The following SH3PXD2B variants were observed in gnomAD, a reference collection of about 807,000 sequenced individuals.
SH3PXD2B encodes the protein SH3 and PX domain-containing protein 2B.
In SH3PXD2B, 37 loss-of-function variants were observed where a neutral mutation model predicts 73.1. The observed-to-expected ratio is 0.51, with a 90% CI of 0.39 to 0.67. SH3PXD2B has a LOEUF of 0.67. Among genes scored for constraint, SH3PXD2B ranks in the 30% least tolerant of loss-of-function variants. SH3PXD2B has a pLI of 0.00. For missense variants in SH3PXD2B, 1,053 were observed against 1,197.8 expected (o/e 0.88, Z 1.78); for synonymous variants, 457 against 480.5 (o/e 0.95, Z 0.64).
At chr5:172,370,633 T>C (rs1757681505) in intron 6 of SH3PXD2B, among the ~76,000 whole-genome samples, 1 of 152,212 alleles carries the variant, frequency 6.6e-6, no homozygotes, top group African/African-American at 2.4e-5. Flanking sequence ...TGTTTTTCCA[T>C]GGCAGTAGCT....
At chr5:172,403,264 C>A (rs1240164607) in intron 3 of SH3PXD2B, among the ~76,000 whole-genome samples, 1 of 152,232 alleles carries the variant, frequency 6.6e-6, no homozygotes, top group Non-Finnish European at 1.5e-5. Flanking sequence ...TTCCCCAGCT[C>A]CTCCTGGGAT....
intron 2 of SH3PXD2B, among the ~76,000 whole-genome samples, chr5:172,409,312 G>C (rs896791741): frequency 6.6e-6 from 1 of 152,040 alleles, no homozygotes; most frequent in Non-Finnish European, 1.5e-5. Context: ...AACCTGGGAG[G>C]TGGAGGTTGC....
intron 1 of SH3PXD2B, among the ~76,000 whole-genome samples, chr5:172,433,155 T>C (rs534297145): frequency 2.0e-5 from 3 of 152,304 alleles, no homozygotes; most frequent in Admixed American, 6.5e-5. Context: ...TGTGTTACAA[T>C]TGCCTACAGT....
chr5:172,331,561 G>A (rs1016411464), downstream of SH3PXD2B, among the ~76,000 whole-genome samples: 3 of 152,220 alleles, frequency 2.0e-5, no homozygotes, highest in East Asian at 1.9e-4. Context: ...GCGTGCCCCC[G>A]TGATGGTAAT....
chr5:172,406,341 C>T lies in SH3PXD2B; in HGVS notation c.168G>A (p.Leu56=), dbSNP rs1220351952. Residue 56 remains leucine (L), a synonymous_variant, in exon 3 of 13, where the codon TTG becomes TTA. Coordinates refer to ENST00000311601, the MANE Select transcript of SH3PXD2B (RefSeq NM_001017995.3). ...SKFFDLQMQM[L]DKFPMEGGQK... ...GTCCTCCTTCCATGGGAAATTTGTCCAACATCTGCATCTAAGTGGGGGGCG... is the reference window on the plus strand; with the variant it reads ...GTCCTCCTTCCATGGGAAATTTGTCTAACATCTGCATCTAAGTGGGGGGCG... The T allele has an allele frequency of 6.2e-7, 1 of 1,613,938 alleles. No homozygotes were observed. Among genetic ancestry groups the T allele is most frequent in the Non-Finnish European group, 8.5e-7 (1 of 1,180,012 alleles).
chr5:172,328,634 A>T (rs1756489852), downstream of SH3PXD2B, among the ~76,000 whole-genome samples: 1 of 152,164 alleles, frequency 6.6e-6, no homozygotes, highest in African/African-American at 2.4e-5. Flanking sequence ...CCGTGGGAGA[A>T]TCTGGCTTAG....
chr5:172,395,898 GCTCT>G (rs200657265), intron 3 of SH3PXD2B, among the ~76,000 whole-genome samples: 1,612 of 152,166 alleles, frequency 0.011, 40 homozygotes, highest in African/African-American at 0.037. Context: ...CCTACTAAGA[GCTCT>G]CTCTATTTCT....
chr5:172,335,811 G>A lies in SH3PXD2B; in HGVS notation c.*2558C>T. ...GCCTGGGGAAGTGTCTACCATTGTA[G>A]GAAAAGGAGCTGGATACAGACGTCC... On this transcript the variant is annotated 3_prime_UTR_variant, in exon 13 of 13. Coordinates refer to ENST00000311601, the MANE Select transcript of SH3PXD2B (RefSeq NM_001017995.3). 2 of 1,229,862 alleles carry A rather than the reference G, an allele frequency of 1.6e-6. No homozygotes were observed. Among genetic ancestry groups the A allele is most frequent in the Non-Finnish European group, 2.0e-6 (2 of 987,392 alleles). 76.2% of individuals were successfully genotyped at this position (1,229,862 alleles called of 1,614,324 possible).
At position 172,439,281 on chromosome 5, in the gene SH3PXD2B, C is replaced by CAA. The variant is rs1258473455; in HGVS notation, c.75+14995_75+14996dup. The stretch of plus-strand genomic sequence containing the variant: ...AAAAAAAACAAAAACAAAAACAAAA[C>CAA]AAAAAAAAAACCCCAAAAAAAAACC... On this transcript the variant is annotated intron_variant, in intron 1 of 12. Transcript: ENST00000311601. Among the ~76,000 whole-genome samples, 14 of 41,908 alleles carry CAA rather than the reference C, an allele frequency of 3.3e-4. 1 individual carries two copies. The highest frequency in any genetic ancestry group is 1.7e-3 in the African/African-American group (14 of 8,418). 27.5% of individuals were successfully genotyped at this position (41,908 alleles called of 152,430 possible). A position where few individuals can be genotyped will look rare whatever the true frequency, so the allele number is the denominator to read the frequency against.
At chr5:172,396,333 G>A (rs1220310632) in intron 3 of SH3PXD2B, among the ~76,000 whole-genome samples, 2 of 150,920 alleles carry the variant, frequency 1.3e-5, no homozygotes, top group African/African-American at 2.4e-5. Context: ...AAGATCATAC[G>A]ACAGCACTCC....
intron 7 of SH3PXD2B, 48 bp from the exon 8 acceptor site, chr5:172,358,925 G>T: frequency 6.5e-7 from 1 of 1,547,888 alleles, no homozygotes; most frequent in Non-Finnish European, 8.9e-7. Context: ...CAAGCATGAG[G>T]CCGGGGGTCA....
At chr5:172,364,948 C>T (rs1482211343) in intron 6 of SH3PXD2B, among the ~76,000 whole-genome samples, 4 of 152,092 alleles carry the variant, frequency 2.6e-5, no homozygotes, top group Admixed American at 1.3e-4. Context: ...AGCACAGAAG[C>T]CCCTTGTTAG....
rs755156898 is a variant in SH3PXD2B at position 172,339,665 on chromosome 5, C to T, written c.1440G>A (p.Ser480=). Residue 480 remains serine, a synonymous_variant, in exon 13 of 13, where the codon TCG becomes TCA. Transcript: ENST00000311601. The surrounding 1 kb of genome is among the most constrained non-coding windows in gnomAD (Gnocchi z 6.1). ...TCCAGTCTTTAGACCATGGCAACCC[C>T]GAGTCCATGACACCATGCGGTGCGT... is the stretch of plus-strand genomic sequence containing the variant. The part of the protein sequence containing the change: ...LPDAPHGVMD[S]GLPWSKDWKG... 63 of 1,614,118 alleles carry T rather than the reference C, an allele frequency of 3.9e-5. No homozygotes were observed. The Admixed American group carries it at 8.7e-4, about 22-fold the overall frequency.
intron 12 of SH3PXD2B, among the ~76,000 whole-genome samples, chr5:172,327,836 C>T (rs942778531): frequency 2.7e-5 from 4 of 150,764 alleles, no homozygotes; most frequent in Non-Finnish European, 5.9e-5. Flanking sequence ...CTCAGTGCAA[C>T]CTCTGCCTCC....
At chr5:172,355,285 G>A (rs1354909197) in intron 8 of SH3PXD2B, among the ~76,000 whole-genome samples, 2 of 152,206 alleles carry the variant, frequency 1.3e-5, no homozygotes, top group Non-Finnish European at 2.9e-5. Flanking sequence ...TGACCTGCTC[G>A]GCGGGGGCCG....
In SH3PXD2B at chr5:172,335,629, T is replaced by C. The variant is rs966705943; in HGVS notation, c.*2740A>G. 4.1e-6 allele frequency: 5 copies of C among 1,231,748 alleles called. No individual in the cohort carries two copies. Among genetic ancestry groups the C allele is most frequent in the African/African-American group, 3.1e-5 (2 of 64,438 alleles). The allele number at this position is 1,231,748 out of a possible 1,614,324, so 76.3% of individuals were successfully genotyped here. A position where few individuals can be genotyped will look rare whatever the true frequency, so the allele number is the denominator to read the frequency against. On this transcript the variant is annotated 3_prime_UTR_variant, in exon 13 of 13. Coordinates refer to ENST00000311601, the MANE Select transcript of SH3PXD2B (RefSeq NM_001017995.3). Reference sequence around the variant, plus strand: ...CCGGTGCTTGGCACCATTGTCACGATGGGCCTGGACACTTTCTAGAGCCAT... The same window carrying C: ...CCGGTGCTTGGCACCATTGTCACGACGGGCCTGGACACTTTCTAGAGCCAT...
intron 2 of SH3PXD2B, among the ~76,000 whole-genome samples, chr5:172,413,951 T>C (rs925372162): frequency 6.6e-6 from 1 of 152,248 alleles, no homozygotes; most frequent in African/African-American, 2.4e-5. Context: ...GCTGGGATCT[T>C]GCTGGGAAGG....
intron 7 of SH3PXD2B, among the ~76,000 whole-genome samples, chr5:172,360,490 G>T (rs1473673080): frequency 6.6e-6 from 1 of 152,196 alleles, no homozygotes; most frequent in African/African-American, 2.4e-5. Context: ...AATCAAAACA[G>T]CCACTGTTTT....
Position 172,368,516 on chromosome 5 carries a change from T to TATATATATTATATATATATAAA in SH3PXD2B, c.427+5273_427+5274insTTTATATATATATAATATATAT, listed in dbSNP as rs1561908066. ...ATATATTATATATATATATATAAAATATATATATATTATATATATATATAA... is the reference window on the plus strand; with the variant it reads ...ATATATTATATATATATATATAAAATATATATATTATATATATATAAAATATATATATTATATATATATATAA... On this transcript the variant is annotated intron_variant, in intron 6 of 12. Coordinates refer to ENST00000311601, the MANE Select transcript of SH3PXD2B (RefSeq NM_001017995.3). Among the ~76,000 whole-genome samples, 2 of 18,374 alleles carry TATATATATTATATATATATAAA rather than the reference T, an allele frequency of 1.1e-4. 1 individual carries two copies. The highest frequency in any genetic ancestry group is 1.6e-4 in the Non-Finnish European group (2 of 12,860). 12.1% of individuals were successfully genotyped at this position (18,374 alleles called of 152,430 possible).
Sources: gnomAD v4.1 joint callset for allele counts (sites outside exome capture counted in the v4.1 genomes callset) on GRCh38, gnomAD v4.1.1 for gene constraint, Gnocchi (gnomAD v3.1) non-coding constraint, MANE v1.5 for transcripts, NCBI Gene and HGNC (gene_info 2026-07-23, HGNC 2026-07-21) for gene names.